The following ABCB11 variants were observed in gnomAD, a reference collection of about 807,000 sequenced individuals.
The protein encoded by ABCB11 is ATP binding cassette subfamily B member 11.
Under a neutral mutation model 148.0 loss-of-function variants are expected in ABCB11, and 95 were observed. The ratio of observed to expected loss-of-function variants is 0.64; its 90% CI spans 0.54 to 0.76. The LOEUF (loss-of-function observed/expected upper bound fraction) is 0.76, where lower values mean the gene tolerates loss of function less well. Among genes scored for constraint, ABCB11 ranks in the 30% least tolerant of loss-of-function variants. The pLI is 0.00. For missense variants in ABCB11, 1,523 were observed against 1,617.8 expected (o/e 0.94, Z 1.01); for synonymous variants, 591 against 555.4 (o/e 1.06, Z -0.90).
chr2:168,965,715 T>C (rs1693284581), intron 17 of ABCB11, among the ~76,000 whole-genome samples: 1 of 151,836 alleles, frequency 6.6e-6, no homozygotes, highest in Admixed American at 6.6e-5. Context: ...GAGACCTGCA[T>C]CAACTGTTTT....
At position 168,949,918 on chromosome 2, in the gene ABCB11, G is replaced by T. The variant is rs543952195; in HGVS notation, c.2344-4957C>A. Among the ~76,000 whole-genome samples, 6 of 151,390 alleles carry T rather than the reference G, an allele frequency of 4.0e-5. No individual in the cohort carries two copies. In the East Asian group the frequency reaches 1.2e-3, roughly 30 times the overall value. On this transcript the variant is annotated intron_variant, in intron 19 of 27. Transcript: ENST00000650372. The stretch of plus-strand genomic sequence containing the variant: ...AAAAAAATGTAAACGAGCAAGACTG[G>T]CCTAGCCTCCCAGCCTACATCTTTC...
intron 19 of ABCB11, among the ~76,000 whole-genome samples, chr2:168,954,788 T>C (rs1269863135): frequency 6.6e-6 from 1 of 151,654 alleles, no homozygotes; most frequent in African/African-American, 2.4e-5. Flanking sequence ...CTTGGGAGGT[T>C]GTTATTGATG....
rs1258387740 is a variant in ABCB11, at chr2:169,013,404, A to T, written c.257T>A (p.Met86Lys). Reference protein sequence around the residue: ...QPGVLLIFGTMTDVFIDYDVE... With the variant: ...QPGVLLIFGTKTDVFIDYDVE... Reference sequence around the variant, plus strand: ...GTCGTAGTCAATAAAAACATCTGTCATTGTGCCAAAAATGAGTAGCACGCC... The same window carrying T: ...GTCGTAGTCAATAAAAACATCTGTCTTTGTGCCAAAAATGAGTAGCACGCC... The change falls in exon 5 of 28, where the codon ATG (methionine) becomes AAG (lysine). Residue 86 changes from methionine to lysine, a missense_variant. Met to Lys is a moderately conservative substitution (Grantham distance 95). Coordinates refer to ENST00000650372, the MANE Select transcript of ABCB11 (RefSeq NM_003742.4). The T allele has an allele frequency of 6.2e-7, 1 of 1,613,854 alleles. No individual in the cohort carries two copies. Among genetic ancestry groups the T allele is most frequent in the Non-Finnish European group, 8.5e-7 (1 of 1,179,794 alleles).
intron 1 of ABCB11, among the ~76,000 whole-genome samples, chr2:169,026,677 T>C (rs962889568): frequency 6.6e-6 from 1 of 152,224 alleles, no homozygotes; most frequent in Non-Finnish European, 1.5e-5. Context: ...TTAGACCATG[T>C]TTTCTTCCAC....
At chr2:168,988,770 A>G (rs1488371466) in intron 9 of ABCB11, among the ~76,000 whole-genome samples, 3 of 152,078 alleles carry the variant, frequency 2.0e-5, no homozygotes, top group Non-Finnish European at 2.9e-5. Flanking sequence ...ATGCTTGCCA[A>G]CACTTGATAT....
intron 5 of ABCB11, among the ~76,000 whole-genome samples, chr2:169,005,691 A>G (rs762369853): frequency 2.6e-5 from 4 of 152,178 alleles, no homozygotes; most frequent in South Asian, 2.1e-4. Flanking sequence ...TGAAGCCAAG[A>G]GTAGATTTTT....
At chr2:169,010,401 C>T (rs1348876830) in intron 5 of ABCB11, among the ~76,000 whole-genome samples, 1 of 152,138 alleles carries the variant, frequency 6.6e-6, no homozygotes, top group Non-Finnish European at 1.5e-5. Flanking sequence ...AATTCACTGA[C>T]AGCCATCTGG....
intron 1 of ABCB11, among the ~76,000 whole-genome samples, chr2:169,018,708 C>CT (rs1424869254): frequency 4.6e-5 from 7 of 152,072 alleles, no homozygotes; most frequent in Non-Finnish European, 1.0e-4. Context: ...TAGTCTTATT[C>CT]ACAGTGGAAA....
intron 1 of ABCB11, among the ~76,000 whole-genome samples, chr2:169,022,615 A>G (rs371189965): frequency 1.6e-3 from 243 of 152,206 alleles, no homozygotes; most frequent in African/African-American, 5.5e-3. Context: ...AATTTTACCA[A>G]AACTTCAAAC....
intron 19 of ABCB11, among the ~76,000 whole-genome samples, chr2:168,956,164 G>A (rs751272650): frequency 3.7e-4 from 56 of 151,638 alleles, no homozygotes; most frequent in Non-Finnish European, 1.3e-4. Context: ...GAAAGGGGAA[G>A]ACTACAAAGT....
At chr2:168,985,369 C>G (rs1016212504) in intron 10 of ABCB11, among the ~76,000 whole-genome samples, 5 of 152,034 alleles carry the variant, frequency 3.3e-5, no homozygotes, top group Non-Finnish European at 5.9e-5. Context: ...ATAGAACTAC[C>G]ATTTGATCCA....
At chr2:168,939,438 C>T (rs1182636402) in intron 21 of ABCB11, among the ~76,000 whole-genome samples, 2 of 152,010 alleles carry the variant, frequency 1.3e-5, no homozygotes, top group African/African-American at 4.8e-5. Context: ...TCATGAATAT[C>T]GTTCATGATG....
At chr2:168,997,947 A>T (rs974356588) in intron 5 of ABCB11, among the ~76,000 whole-genome samples, 1 of 151,988 alleles carries the variant, frequency 6.6e-6, no homozygotes, top group Non-Finnish European at 1.5e-5. Context: ...ACTAATTAGG[A>T]AGGGAAATAA....
At chr2:168,957,435 A>G (rs1482487508) in intron 19 of ABCB11, among the ~76,000 whole-genome samples, 2 of 151,730 alleles carry the variant, frequency 1.3e-5, no homozygotes, top group African/African-American at 2.4e-5. Flanking sequence ...CTAGGAAGTG[A>G]AAAATTGGAA....
intron 12 of ABCB11, among the ~76,000 whole-genome samples, chr2:168,974,515 G>A (rs1009131983): frequency 1.3e-5 from 2 of 151,876 alleles, no homozygotes; most frequent in South Asian, 2.1e-4. Flanking sequence ...AAAACCTCAC[G>A]CCTTTCATTT....
intron 5 of ABCB11, among the ~76,000 whole-genome samples, chr2:169,004,715 G>T (rs908465738): frequency 6.6e-6 from 1 of 152,022 alleles, no homozygotes; most frequent in African/African-American, 2.4e-5. Flanking sequence ...CTGGTGAGCT[G>T]GTATGATCTT....
chr2:168,969,101 C>A (rs1196991879), intron 16 of ABCB11, among the ~76,000 whole-genome samples: 14 of 138,476 alleles, frequency 1.0e-4, no homozygotes, highest in Admixed American at 2.9e-4. Context: ...GAAGCCTCTT[C>A]TATTTGCGCA....
Position 168,930,725 on chromosome 2 carries a change from A to G in ABCB11, c.3351T>C (p.Cys1117=). Residue 1117 remains cysteine, a synonymous_variant, in exon 25 of 28, where the codon TGT becomes TGC. Transcript: ENST00000650372. ...QTLAFVGSSG[C]GKSTSIQLLE... ...ACAGCTGAATGCTAGTGCTTTTGCC[A>G]CATCCACTGCTCCCAACAAACGCCA... is the stretch of plus-strand genomic sequence containing the variant. 1 of 1,604,312 alleles carries G rather than the reference A, an allele frequency of 6.2e-7. No homozygotes were observed. The highest frequency in any genetic ancestry group is 1.1e-5 in the South Asian group (1 of 89,756).
chr2:168,965,987 C>T (rs922929082), intron 17 of ABCB11, among the ~76,000 whole-genome samples: 1 of 151,842 alleles, frequency 6.6e-6, no homozygotes, highest in Non-Finnish European at 1.5e-5. Context: ...CACATTCAGA[C>T]TCTTGCCAAG....
Sources: allele counts gnomAD v4.1 joint callset (sites outside exome capture counted in the v4.1 genomes callset), GRCh38; gene constraint gnomAD v4.1.1; transcripts MANE v1.5; gene names NCBI Gene and HGNC (gene_info 2026-07-23, HGNC 2026-07-21).